The following FAM135B variants were observed in gnomAD, a reference collection of about 807,000 sequenced individuals.
FAM135B encodes protein FAM135B.
A neutral mutation model predicts 127.7 loss-of-function variants in FAM135B; 43 were observed. The ratio of observed to expected loss-of-function variants is 0.34; its 90% CI spans 0.26 to 0.43. FAM135B has a LOEUF of 0.43. Ranked by LOEUF, FAM135B falls within the 20% of genes least tolerant of loss-of-function variation. The pLI is 1.00. For synonymous variants in FAM135B, 670 were observed against 665.1 expected, an observed-to-expected ratio of 1.01 and a Z score of -0.11; for missense variants, 1,558 against 1,725.6, an observed-to-expected ratio of 0.90 and a Z score of 1.72.
At chr8:138,249,608 C>T (rs1445456231) in intron 6 of FAM135B, among the ~76,000 whole-genome samples, 1 of 152,162 alleles carries the variant, frequency 6.6e-6, no homozygotes, top group African/African-American at 2.4e-5. Flanking sequence ...ATCACACCTT[C>T]AGGGGCAGCA....
chr8:138,175,554 A>C (rs764055607), intron 11 of FAM135B, among the ~76,000 whole-genome samples: 4 of 152,222 alleles, frequency 2.6e-5, no homozygotes, highest in Non-Finnish European at 5.9e-5. Context: ...CTAACTGTGC[A>C]CATCTCTTCC....
intron 1 of FAM135B, among the ~76,000 whole-genome samples, chr8:138,482,110 A>AT (rs886806855): frequency 9.9e-5 from 15 of 152,168 alleles, no homozygotes; most frequent in Admixed American, 2.6e-4. Context: ...TGCAAAAGAG[A>AT]TTCCCAGACT....
At chr8:138,455,740 T>G (rs1836740362) in intron 1 of FAM135B, among the ~76,000 whole-genome samples, 1 of 152,076 alleles carries the variant, frequency 6.6e-6, no homozygotes, top group Admixed American at 6.6e-5. Flanking sequence ...AATAAACGGA[T>G]GGAAAGAGAT....
chr8:138,190,410 T>C (rs774759981), intron 9 of FAM135B, among the ~76,000 whole-genome samples: 17 of 152,194 alleles, frequency 1.1e-4, no homozygotes, highest in Non-Finnish European at 1.9e-4. Flanking sequence ...AATTATAATG[T>C]TAAAACAGAG....
At chr8:138,474,516 G>T (rs1048850360) in intron 1 of FAM135B, among the ~76,000 whole-genome samples, 2 of 152,122 alleles carry the variant, frequency 1.3e-5, no homozygotes, top group Admixed American at 6.6e-5. Flanking sequence ...ATGCAAGCTT[G>T]TTGGGGACAT....
intron 4 of FAM135B, among the ~76,000 whole-genome samples, chr8:138,259,104 G>A (rs958046593): frequency 1.3e-5 from 2 of 152,150 alleles, no homozygotes; most frequent in Non-Finnish European, 2.9e-5. Flanking sequence ...CTGTGGTAAA[G>A]GCATTTTCCC....
intron 1 of FAM135B, among the ~76,000 whole-genome samples, chr8:138,467,731 T>G (rs1439209866): frequency 2.0e-5 from 3 of 152,194 alleles, no homozygotes; most frequent in Admixed American, 2.0e-4. Flanking sequence ...TGTTGTAGAT[T>G]TAAAGAGAAT....
chr8:138,435,158 C>T (rs550328881), intron 1 of FAM135B, among the ~76,000 whole-genome samples: 18 of 152,010 alleles, frequency 1.2e-4, no homozygotes, highest in African/African-American at 3.1e-4. Context: ...ATTAGCCAGA[C>T]GTCGTGGCAG....
chr8:138,211,844 G>T (rs1441903748), intron 7 of FAM135B, among the ~76,000 whole-genome samples: 2 of 152,094 alleles, frequency 1.3e-5, no homozygotes, highest in Non-Finnish European at 2.9e-5. Context: ...GAGGCAGGTG[G>T]ATCACCCGAG....
rs758645981 is a variant in FAM135B, at chr8:138,151,495, G to T, written c.2980C>A (p.His994Asn). The change falls in exon 13 of 20, where the codon CAT (histidine) becomes AAT (asparagine). Residue 994 changes from histidine (H) to asparagine (N), a missense_variant. Transcript: ENST00000395297. ...TVCPTVTHSV[H>N]SQVLKNQELK... ...TCTTGGTTTTTCAAAACCTGGGAAT[G>T]AACGGAATGGGTCACAGTGGGGCAC... 6.2e-7 allele frequency: 1 copy of T among 1,614,230 alleles called. No homozygotes were observed. The highest frequency in any genetic ancestry group is 8.5e-7 in the Non-Finnish European group (1 of 1,180,038).
At chr8:138,183,550 T>C (rs1362598921) in intron 9 of FAM135B, among the ~76,000 whole-genome samples, 1 of 152,256 alleles carries the variant, frequency 6.6e-6, no homozygotes, top group Non-Finnish European at 1.5e-5. Context: ...AAACTTTGCA[T>C]GTATCAGACT....
chr8:138,330,612 G>C (rs753790616), intron 2 of FAM135B, among the ~76,000 whole-genome samples: 5 of 152,016 alleles, frequency 3.3e-5, no homozygotes, highest in Non-Finnish European at 5.9e-5. Context: ...CTCATCCTCA[G>C]ATTATTAATG....
chr8:138,367,972 T>G lies in FAM135B; in HGVS notation c.12A>C (p.Ile4=). ...CTACCGAAAACTCAACCGTTCCTTG[T>G]ATTTCAGACATGATCTTTTTGGCTC... MSE[I]QGTVEFSVEL... is the part of the protein sequence containing the mutation. The change falls in exon 2 of 20, where the codon ATA becomes ATC. Residue 4 remains isoleucine (I), a synonymous_variant. Transcript: ENST00000395297. 1.2e-6 allele frequency: 2 copies of G among 1,613,904 alleles called. No individual in the cohort carries two copies. The highest frequency in any genetic ancestry group is 1.7e-6 in the Non-Finnish European group (2 of 1,179,904).
chr8:138,173,748 G>A (rs1814139315), intron 11 of FAM135B, among the ~76,000 whole-genome samples: 1 of 152,202 alleles, frequency 6.6e-6, no homozygotes, highest in South Asian at 2.1e-4. Context: ...CACAGGAAAT[G>A]CAAAAGTCAG....
intron 1 of FAM135B, among the ~76,000 whole-genome samples, chr8:138,493,992 A>G (rs1376121153): frequency 1.2e-5 from 1 of 80,028 alleles, no homozygotes; most frequent in South Asian, 3.4e-4. Flanking sequence ...AGCGAGAAAA[A>G]GATATTTCAA....
intron 3 of FAM135B, among the ~76,000 whole-genome samples, chr8:138,289,492 T>A (rs1824940797): frequency 6.6e-6 from 1 of 152,224 alleles, no homozygotes; most frequent in Non-Finnish European, 1.5e-5. Flanking sequence ...CCCTGGACAT[T>A]TCTCAGAAGT....
intron 2 of FAM135B, among the ~76,000 whole-genome samples, chr8:138,337,778 C>G (rs1828721963): frequency 6.6e-6 from 1 of 152,104 alleles, no homozygotes; most frequent in African/African-American, 2.4e-5. Flanking sequence ...CATATGGAAT[C>G]AAAAAAGAGC....
intron 2 of FAM135B, among the ~76,000 whole-genome samples, chr8:138,347,853 T>G (rs1829518423): frequency 1.3e-5 from 2 of 152,160 alleles, no homozygotes. Flanking sequence ...ATCATGCTTC[T>G]GTGTCTTGGT....
At chr8:138,153,312 T>C (rs1377466251) in intron 12 of FAM135B, 96 bp from the exon 13 acceptor site, 2 of 1,070,462 alleles carry the variant, frequency 1.9e-6, no homozygotes, top group Non-Finnish European at 2.6e-6. Context: ...AATTTAGCTA[T>C]GTGGACTCGG....
Sources: allele counts gnomAD v4.1 joint callset (sites outside exome capture counted in the v4.1 genomes callset), GRCh38; gene constraint gnomAD v4.1.1; transcripts MANE v1.5; gene names NCBI Gene and HGNC (gene_info 2026-07-23, HGNC 2026-07-21).